CACNG3: variants seen among roughly 807,000 people sequenced by gnomAD.
CACNG3 encodes calcium voltage-gated channel auxiliary subunit gamma 3.
A neutral mutation model predicts 28.5 loss-of-function variants in CACNG3; 3 were observed. The ratio of observed to expected loss-of-function variants is 0.11; its 90% CI spans 0.05 to 0.27. The LOEUF (loss-of-function observed/expected upper bound fraction) is 0.27, where lower values mean the gene tolerates loss of function less well. CACNG3 is among the 10% of genes least tolerant of loss of function. The pLI is 1.00. For missense variants in CACNG3, 236 were observed against 414.4 expected (o/e 0.57, Z 3.74); for synonymous variants, 174 against 162.2 (o/e 1.07, Z -0.55).
At chr16:24,300,441 T>TG (rs112142786) in intron 1 of CACNG3, among the ~76,000 whole-genome samples, 11 of 151,940 alleles carry the variant, frequency 7.2e-5, no homozygotes, top group East Asian at 5.8e-4. Context: ...CTTCTGATTC[T>TG]GGGGGGGAAA....
In CACNG3 at chr16:24,362,127, C is replaced by T. The variant is rs1168893909; in HGVS notation, c.*264C>T. 2.8e-6 allele frequency: 1 copy of T among 355,528 alleles called. No individual in the cohort carries two copies. The highest frequency in any genetic ancestry group is 5.1e-6 in the Non-Finnish European group (1 of 196,708). 22.0% of individuals were successfully genotyped at this position (355,528 alleles called of 1,614,324 possible). A position where few individuals can be genotyped will look rare whatever the true frequency, so the allele number is the denominator to read the frequency against. ...GATGTTTTCCTTTCTTCCTTCTTTA[C>T]TGGAAGGACCTCCACATTCTTCCCT... On this transcript the variant is annotated 3_prime_UTR_variant, in exon 4 of 4. Coordinates refer to ENST00000005284, the MANE Select transcript of CACNG3 (RefSeq NM_006539.4).
intron 1 of CACNG3, among the ~76,000 whole-genome samples, chr16:24,308,193 GA>G (rs1899211570): frequency 6.6e-6 from 1 of 152,188 alleles, no homozygotes; most frequent in Non-Finnish European, 1.5e-5. Flanking sequence ...AGGAACCTGG[GA>G]AAAAGTCTAT....
chr16:24,347,176 C>T (rs2141380238), intron 2 of CACNG3, among the ~76,000 whole-genome samples: 1 of 152,086 alleles, frequency 6.6e-6, no homozygotes, highest in African/African-American at 2.4e-5. Context: ...AAATTAGCTG[C>T]ATGTGGTGGC....
intron 1 of CACNG3, among the ~76,000 whole-genome samples, chr16:24,288,174 G>A (rs1184272724): frequency 6.6e-6 from 1 of 152,176 alleles, no homozygotes; most frequent in Non-Finnish European, 1.5e-5. Context: ...GGATTGCAGA[G>A]CTAGAAGTGA....
At chr16:24,286,690 T>C (rs992623715) in intron 1 of CACNG3, among the ~76,000 whole-genome samples, 19 of 152,326 alleles carry the variant, frequency 1.2e-4, no homozygotes, top group Admixed American at 9.2e-4. Context: ...CTCATAGTTA[T>C]GTAAGAGATA....
At position 24,306,685 on chromosome 16, in the gene CACNG3, G is replaced by T. The variant is rs1470351169; in HGVS notation, c.212-40049G>T. ...ACACCCTACAGTTTGCATCGGGCAG[G>T]ATACTCTGCACTATCCCAGGCACAA... is the stretch of plus-strand genomic sequence containing the variant. On this transcript the variant is annotated intron_variant, in intron 1 of 3. Transcript: ENST00000005284. Among the ~76,000 whole-genome samples, 5 of 152,080 alleles carry T rather than the reference G, an allele frequency of 3.3e-5. No homozygotes were observed. The East Asian group carries it at 5.8e-4, about 18-fold the overall frequency.
Position 24,362,063 on chromosome 16 carries a change from A to C in CACNG3, c.*200A>C, listed in dbSNP as rs1900109580. 2 of 522,586 alleles carry C rather than the reference A, an allele frequency of 3.8e-6. No individual in the cohort carries two copies. Among genetic ancestry groups the C allele is most frequent in the Non-Finnish European group, 6.7e-6 (2 of 300,156 alleles). 32.4% of individuals were successfully genotyped at this position (522,586 alleles called of 1,614,324 possible). A position where few individuals can be genotyped will look rare whatever the true frequency, so the allele number is the denominator to read the frequency against. ...CCATCCTCTCTAACTTTTCAAGCCA[A>C]TCCCTTAATGTCATTCCTCTCTCTG... On this transcript the variant is annotated 3_prime_UTR_variant, in exon 4 of 4. Transcript: ENST00000005284.
intron 1 of CACNG3, among the ~76,000 whole-genome samples, chr16:24,339,549 C>A (rs1899756055): frequency 6.6e-6 from 1 of 152,082 alleles, no homozygotes; most frequent in African/African-American, 2.4e-5. Context: ...CCACGCCCAG[C>A]TAATTTTTGT....
rs761500512 is a variant in CACNG3, at chr16:24,361,680, C to T, written c.765C>T (p.His255=). 2 of 1,613,978 alleles carry T rather than the reference C, an allele frequency of 1.2e-6. No individual in the cohort carries two copies. The highest frequency in any genetic ancestry group is 1.7e-6 in the Non-Finnish European group (2 of 1,179,978). ...RDLSPISKGF[H]TIPSTDISMF... ...TGTCCCCCATCAGCAAAGGCTTCCACACCATCCCTTCCACTGACATCTCGA... is the reference window on the plus strand; with the variant it reads ...TGTCCCCCATCAGCAAAGGCTTCCATACCATCCCTTCCACTGACATCTCGA... Residue 255 remains histidine (H), a synonymous_variant, in exon 4 of 4, where the codon CAC becomes CAT. Transcript: ENST00000005284. The surrounding 1 kb of genome is among the most constrained non-coding windows in gnomAD (Gnocchi z 6.8).
At chr16:24,341,992 G>C (rs1228935838) in intron 1 of CACNG3, among the ~76,000 whole-genome samples, 1 of 152,248 alleles carries the variant, frequency 6.6e-6, no homozygotes, top group Non-Finnish European at 1.5e-5. Context: ...CATAGGCCAG[G>C]AGCGGTGGCT....
At chr16:24,327,473 C>T (rs1596644554) in intron 1 of CACNG3, among the ~76,000 whole-genome samples, 1 of 104,772 alleles carries the variant, frequency 9.5e-6, no homozygotes, top group Non-Finnish European at 1.9e-5. Context: ...CACACACACA[C>T]ACACATATAC....
At chr16:24,340,221 G>A (rs1040903239) in intron 1 of CACNG3, among the ~76,000 whole-genome samples, 4 of 151,922 alleles carry the variant, frequency 2.6e-5, no homozygotes, top group Non-Finnish European at 4.4e-5. Context: ...TGAACATGAC[G>A]AGACCCCATC....
At chr16:24,347,672 A>C (rs1294888677) in intron 2 of CACNG3, among the ~76,000 whole-genome samples, 3 of 152,190 alleles carry the variant, frequency 2.0e-5, no homozygotes, top group African/African-American at 7.2e-5. Flanking sequence ...GACAGAGCCA[A>C]TGTCTCTGTA....
At position 24,312,280 on chromosome 16, in the gene CACNG3, G is replaced by A. The variant is rs1010703873; in HGVS notation, c.212-34454G>A. ...ATAACTGAGCCGAGCATCTGCTCCT[G>A]TCCCATCTATCCTCCCCATCTATGC... On this transcript the variant is annotated intron_variant, in intron 1 of 3. Transcript: ENST00000005284. Among the ~76,000 whole-genome samples, 6 of 152,164 alleles carry A rather than the reference G, an allele frequency of 3.9e-5. No individual in the cohort carries two copies. The East Asian group carries it at 5.8e-4, about 15-fold the overall frequency.
intron 1 of CACNG3, among the ~76,000 whole-genome samples, chr16:24,278,445 ATCTC>A (rs764942205): frequency 6.6e-5 from 10 of 152,072 alleles, no homozygotes; most frequent in Non-Finnish European, 1.3e-4. Context: ...GTGAAATCCC[ATCTC>A]TACTGAAAAT....
chr16:24,349,298 C>T (rs2141381112), intron 2 of CACNG3, among the ~76,000 whole-genome samples: 1 of 152,328 alleles, frequency 6.6e-6, no homozygotes, highest in African/African-American at 2.4e-5. Context: ...GGTCCAGATC[C>T]AGCCCCAAGA....
chr16:24,317,566 GAAA>G (rs1899371881), intron 1 of CACNG3, among the ~76,000 whole-genome samples: 1 of 39,786 alleles, frequency 2.5e-5, no homozygotes, highest in Non-Finnish European at 4.4e-5. Flanking sequence ...AAGAAAGAAA[GAAA>G]GAAAGAAAGA....
chr16:24,264,709 G>A (rs1205619243), intron 1 of CACNG3, among the ~76,000 whole-genome samples: 4 of 152,198 alleles, frequency 2.6e-5, no homozygotes, highest in African/African-American at 4.8e-5. Flanking sequence ...AAGGAGCAGG[G>A]ATAGTGATTT....
chr16:24,342,416 G>A (rs1030006479), intron 1 of CACNG3, among the ~76,000 whole-genome samples: 2 of 152,190 alleles, frequency 1.3e-5, no homozygotes, highest in Non-Finnish European at 2.9e-5. Flanking sequence ...TGCGCCAGAA[G>A]CCAATATTAT....
Sources: allele counts gnomAD v4.1 joint callset (sites outside exome capture counted in the v4.1 genomes callset), GRCh38; gene constraint gnomAD v4.1.1; non-coding constraint Gnocchi (gnomAD v3.1); transcripts MANE v1.5; gene names NCBI Gene and HGNC (gene_info 2026-07-23, HGNC 2026-07-21).